ASTN2: variants seen among roughly 807,000 people sequenced by gnomAD.
ASTN2 encodes the protein astrotactin-2.
ASTN2 carries 54 observed loss-of-function variants against 139.8 expected under a neutral mutation model. The ratio of observed to expected loss-of-function variants is 0.39; its 90% CI spans 0.31 to 0.48. The LOEUF is 0.48. Among genes scored for constraint, ASTN2 ranks in the 20% least tolerant of loss-of-function variants. The pLI is 0.95. For missense variants in ASTN2, 1,565 were observed against 1,725.1 expected, an observed-to-expected ratio of 0.91 and a Z score of 1.64; for synonymous variants, 756 against 719.5, an observed-to-expected ratio of 1.05 and a Z score of -0.81.
intron 2 of ASTN2, among the ~76,000 whole-genome samples, chr9:117,273,947 T>G (rs1834123980): frequency 6.6e-6 from 1 of 152,196 alleles, no homozygotes; most frequent in Non-Finnish European, 1.5e-5. Context: ...AGGCCAGACA[T>G]ATCTTCACCT....
At chr9:117,152,998 A>AT (rs1385784231) in intron 3 of ASTN2, among the ~76,000 whole-genome samples, 1 of 151,970 alleles carries the variant, frequency 6.6e-6, no homozygotes, top group East Asian at 1.9e-4. Flanking sequence ...TATCTGCCTC[A>AT]TTTTTTTACC....
intron 19 of ASTN2, among the ~76,000 whole-genome samples, chr9:116,552,767 T>C (rs1852409700): frequency 1.3e-5 from 2 of 152,190 alleles, no homozygotes; most frequent in Admixed American, 6.5e-5. Context: ...CCTGGTGCCC[T>C]AAAACTTGGC....
At chr9:116,894,701 C>T (rs1324283781) in intron 10 of ASTN2, among the ~76,000 whole-genome samples, 3 of 152,124 alleles carry the variant, frequency 2.0e-5, no homozygotes, top group Non-Finnish European at 4.4e-5. Flanking sequence ...GCCTTGGCCT[C>T]CTAAAGTGCT....
chr9:117,264,038 G>A (rs1564114634), intron 2 of ASTN2, among the ~76,000 whole-genome samples: 1 of 151,312 alleles, frequency 6.6e-6, no homozygotes, highest in East Asian at 1.9e-4. Context: ...TTATGACCTG[G>A]TCTCAAAATA....
chr9:117,319,902 A>G (rs867495711), intron 1 of ASTN2, among the ~76,000 whole-genome samples: 1 of 152,098 alleles, frequency 6.6e-6, no homozygotes, highest in Non-Finnish European at 1.5e-5. Context: ...CCAGTTCCCA[A>G]CCCCTTAATT....
intron 3 of ASTN2, chr9:117,180,516 C>T: frequency 1.6e-6 from 1 of 622,698 alleles, no homozygotes; most frequent in Non-Finnish European, 2.8e-6. Flanking sequence ...GCCATTTCCT[C>T]TGTGATCCTG....
chr9:117,116,479 C>T (rs779505085), intron 4 of ASTN2, among the ~76,000 whole-genome samples: 2 of 152,050 alleles, frequency 1.3e-5, no homozygotes, highest in Non-Finnish European at 2.9e-5. Context: ...TAAACAAACA[C>T]ACAATCAGGA....
In ASTN2 at chr9:116,725,862, G is replaced by A. The variant is rs140013143; in HGVS notation, c.2715C>T (p.Ile905=). 4.8e-5 allele frequency: 77 copies of A among 1,613,924 alleles called. No homozygotes were observed. The highest frequency in any genetic ancestry group is 6.1e-5 in the Non-Finnish European group (72 of 1,180,038). The part of the protein sequence containing the change: ...SFIQHYGSHY[I]AEALYGSELT... ...GCTCTGAGCCATAGAGGGCCTCTGC[G>A]ATGTAGTGGGAGCCATAGTGCTGGA... is the stretch of plus-strand genomic sequence containing the variant. Residue 905 remains isoleucine, a synonymous_variant, in exon 16 of 23, where the codon ATC becomes ATT. Coordinates refer to ENST00000313400, the MANE Select transcript of ASTN2 (RefSeq NM_001365068.1).
chr9:116,806,031 C>T (rs1004449095), intron 12 of ASTN2, among the ~76,000 whole-genome samples: 2 of 152,152 alleles, frequency 1.3e-5, no homozygotes, highest in Non-Finnish European at 2.9e-5. Flanking sequence ...TCATTTGTGA[C>T]ATTTTGGAGG....
intron 11 of ASTN2, among the ~76,000 whole-genome samples, chr9:116,821,088 AG>A (rs1189624472): frequency 2.0e-5 from 3 of 152,210 alleles, no homozygotes; most frequent in African/African-American, 7.2e-5. Context: ...AGCAAATGTC[AG>A]CTGCTGCTAA....
At chr9:116,633,412 TCA>T (rs1156715025) in intron 17 of ASTN2, among the ~76,000 whole-genome samples, 1 of 152,188 alleles carries the variant, frequency 6.6e-6, no homozygotes, top group East Asian at 1.9e-4. Flanking sequence ...TGGCTGGAAC[TCA>T]CATACTTTTC....
At chr9:117,172,717 C>T (rs1403922647) in intron 3 of ASTN2, among the ~76,000 whole-genome samples, 4 of 152,078 alleles carry the variant, frequency 2.6e-5, no homozygotes, top group Non-Finnish European at 5.9e-5. Flanking sequence ...GGGAAAAAGG[C>T]AGTGTAAAAT....
At chr9:117,054,670 G>C (rs1461064314) in intron 5 of ASTN2, among the ~76,000 whole-genome samples, 3 of 152,234 alleles carry the variant, frequency 2.0e-5, no homozygotes, top group Admixed American at 1.3e-4. Context: ...ACTGTACATA[G>C]ACTGGAGTGG....
chr9:116,710,437 T>C (rs533624401), intron 16 of ASTN2, among the ~76,000 whole-genome samples: 2 of 151,332 alleles, frequency 1.3e-5, no homozygotes, highest in South Asian at 4.2e-4. Flanking sequence ...TTACGATAAA[T>C]GACAATTTCA....
chr9:116,641,970 A>C (rs1157406501), intron 17 of ASTN2, among the ~76,000 whole-genome samples: 5 of 151,984 alleles, frequency 3.3e-5, no homozygotes, highest in African/African-American at 9.7e-5. Context: ...GGTTTAAGCT[A>C]GATTATAGGA....
chr9:116,866,114 C>T (rs2132344986), intron 10 of ASTN2, among the ~76,000 whole-genome samples: 1 of 152,308 alleles, frequency 6.6e-6, no homozygotes, highest in Non-Finnish European at 1.5e-5. Context: ...TTATCAGCTT[C>T]ACAGTCTCCC....
chr9:117,231,971 C>A (rs1278343696), intron 2 of ASTN2, among the ~76,000 whole-genome samples: 1 of 152,136 alleles, frequency 6.6e-6, no homozygotes, highest in Non-Finnish European at 1.5e-5. Context: ...CTTTTCAGGG[C>A]CCTGCACTCG....
At chr9:116,508,072 G>C (rs1478462098) in intron 19 of ASTN2, among the ~76,000 whole-genome samples, 1 of 151,996 alleles carries the variant, frequency 6.6e-6, no homozygotes, top group Non-Finnish European at 1.5e-5. Flanking sequence ...AATTTTTTTA[G>C]TAGAGACGGG....
intron 10 of ASTN2, among the ~76,000 whole-genome samples, chr9:116,972,038 TCA>T (rs918885795): frequency 3.9e-5 from 6 of 152,192 alleles, no homozygotes; most frequent in African/African-American, 1.2e-4. Context: ...CAGTGAATTT[TCA>T]CAGAGTTAAA....
Sources: gnomAD v4.1 joint callset for allele counts (sites outside exome capture counted in the v4.1 genomes callset) on GRCh38, gnomAD v4.1.1 for gene constraint, MANE v1.5 for transcripts, NCBI Gene and HGNC (gene_info 2026-07-23, HGNC 2026-07-21) for gene names.